The following WDR83 variants were observed in gnomAD, a reference collection of about 807,000 sequenced individuals.
The protein encoded by WDR83 is WD repeat domain-containing protein 83.
Under a neutral mutation model 37.7 loss-of-function variants are expected in WDR83, and 37 were observed. The ratio of observed to expected loss-of-function variants is 0.98; its 90% CI spans 0.76 to 1.29. The LOEUF (loss-of-function observed/expected upper bound fraction) is 1.29, where lower values mean the gene tolerates loss of function less well. Among genes scored for constraint, WDR83 ranks in the 50% most tolerant of loss-of-function variants. The pLI is 0.00. For missense variants in WDR83, 445 were observed against 414.4 expected, an observed-to-expected ratio of 1.07 and a Z score of -0.64; for synonymous variants, 174 against 181.1, an observed-to-expected ratio of 0.96 and a Z score of 0.31.
intron 10 of WDR83, among the ~76,000 whole-genome samples, chr19:12,674,867 G>A (rs1158292605): frequency 6.6e-6 from 1 of 152,150 alleles, no homozygotes; most frequent in East Asian, 1.9e-4. Flanking sequence ...TGTAATCCCA[G>A]CACTTTGGGA....
chr19:12,670,364 T>C, intron 5 of WDR83, 79 bp downstream of exon 5: 2 of 1,541,786 alleles, frequency 1.3e-6, no homozygotes, highest in Non-Finnish European at 1.8e-6. Context: ...GCCACCCCCA[T>C]TACACCGTAA....
chr19:12,669,674 T>C (rs952572198), intron 2 of WDR83, 81 bp from the exon 3 acceptor site: 12 of 1,165,574 alleles, frequency 1.0e-5, no homozygotes, highest in Admixed American at 7.6e-5. Context: ...CCGGAAGTGA[T>C]AAACAGGAAG....
At chr19:12,670,637 G>A (rs2024385502) in intron 6 of WDR83, 26 bp downstream of exon 6, 3 of 1,614,196 alleles carry the variant, frequency 1.9e-6, no homozygotes, top group Non-Finnish European at 2.5e-6. Context: ...AAGCACGGGG[G>A]CCCAGGGTGC....
intron 10 of WDR83, among the ~76,000 whole-genome samples, chr19:12,674,754 GC>G (rs1372889484): frequency 6.6e-6 from 1 of 152,136 alleles, no homozygotes; most frequent in African/African-American, 2.4e-5. Context: ...CAGAAAATCA[GC>G]AGTCTCTGGA....
intron 7 of WDR83, 45 bp downstream of exon 7, chr19:12,670,866 A>C (rs531420564): frequency 6.3e-7 from 1 of 1,589,042 alleles, no homozygotes; most frequent in Non-Finnish European, 8.6e-7. Flanking sequence ...GCTACGGGGA[A>C]TCATAGCTGC....
chr19:12,669,916 CG>C, intron 3 of WDR83, 23 bp downstream of exon 3: 1 of 1,601,156 alleles, frequency 6.2e-7, no homozygotes. Flanking sequence ...GTCTTCATTC[CG>C]GGTCCTCCTC....
Position 12,669,738 on chromosome 19 carries a change from C to A in WDR83, c.-36-17C>A. On this transcript the variant is annotated splice_polypyrimidine_tract_variant and intron_variant, in intron 2 of 10. Coordinates refer to ENST00000418543, the MANE Select transcript of WDR83 (RefSeq NM_001099737.3). ...CACCCAAGCGTGGGTTTCTAAGGCGCGGAATTTTCCGTACAGACCGATTTA... is the reference window on the plus strand; with the variant it reads ...CACCCAAGCGTGGGTTTCTAAGGCGAGGAATTTTCCGTACAGACCGATTTA... The A allele has an allele frequency of 2.0e-6, 3 of 1,522,546 alleles. No homozygotes were observed. Among genetic ancestry groups the A allele is most frequent in the Non-Finnish European group, 2.6e-6 (3 of 1,132,312 alleles). 94.3% of individuals were successfully genotyped at this position (1,522,546 alleles called of 1,614,324 possible).
chr19:12,670,342 G>A, intron 5 of WDR83, 57 bp downstream of exon 5: 2 of 1,579,308 alleles, frequency 1.3e-6, no homozygotes, highest in Non-Finnish European at 1.7e-6. Context: ...TTAGCGCATA[G>A]GTGGTGACAC....
rs777886920 is a variant in WDR83 at position 12,675,698 on chromosome 19, A to ACCAAC, written c.*26_*27insCCAAC. The ACCAAC allele has an allele frequency of 4.3e-4, 693 of 1,597,860 alleles. No homozygotes were observed. Among genetic ancestry groups the ACCAAC allele is most frequent in the Non-Finnish European group, 5.3e-4 (627 of 1,177,652 alleles). ...AGCCAGGGGACCCACCAACAGGACCAAGGACCGAGACACAGACATGGAAGG... is the reference window on the plus strand; with the variant it reads ...AGCCAGGGGACCCACCAACAGGACCACCAACAGGACCGAGACACAGACATGGAAGG... On this transcript the variant is annotated 3_prime_UTR_variant, in exon 11 of 11. Coordinates refer to ENST00000418543, the MANE Select transcript of WDR83 (RefSeq NM_001099737.3).
chr19:12,668,628 G>A lies in WDR83; in HGVS notation c.-37+1G>A, dbSNP rs761604645. The A allele has an allele frequency of 1.2e-6, 2 of 1,612,554 alleles. No homozygotes were observed. The highest frequency in any genetic ancestry group is 1.1e-5 in the South Asian group (1 of 90,970). On this transcript the variant is annotated splice_donor_variant, in intron 2 of 10. Transcript: ENST00000418543. LOFTEE classifies it low-confidence loss of function (5UTR_SPLICE). ...AGCACACCACTTCAGCTAGGGAAAG[G>A]TAAGTGGGTGGGCAGGTTAGTGAAA...
intron 2 of WDR83, among the ~76,000 whole-genome samples, 187 bp downstream of exon 2, chr19:12,668,814 C>T (rs899391482): frequency 5.3e-5 from 8 of 152,242 alleles, no homozygotes; most frequent in East Asian, 3.9e-4. Flanking sequence ...GTCTGGCCTG[C>T]GTCTCTCAGG....
intron 7 of WDR83, 47 bp downstream of exon 7, chr19:12,670,868 C>A: frequency 6.3e-7 from 1 of 1,586,510 alleles, no homozygotes; most frequent in South Asian, 1.1e-5. Flanking sequence ...TACGGGGAAT[C>A]ATAGCTGCCC....
At position 12,670,004 on chromosome 19, in the gene WDR83, G is replaced by A; in HGVS notation, c.131G>A (p.Gly44Asp). The change falls in exon 4 of 11, where the codon GGC becomes GAC. Residue 44 changes from glycine to aspartate, a missense_variant. Coordinates refer to ENST00000418543, the MANE Select transcript of WDR83 (RefSeq NM_001099737.3). ...NVDGNYCLTC[G>D]SDKTLKLWNP... ...GATGGCAATTACTGCCTGACGTGCG[G>A]CAGTGACAAGACGCTGAAGCTGTGG... 3 of 1,612,342 alleles carry A rather than the reference G, an allele frequency of 1.9e-6. No homozygotes were observed. The highest frequency in any genetic ancestry group is 2.5e-6 in the Non-Finnish European group (3 of 1,178,558).
intron 7 of WDR83, 24 bp from the exon 8 acceptor site, chr19:12,672,823 C>T (rs763508919): frequency 2.0e-5 from 31 of 1,562,766 alleles, no homozygotes; most frequent in Middle Eastern, 4.0e-4. Context: ...TCAAGGTTCC[C>T]GCTGGATCTA....
intron 7 of WDR83, among the ~76,000 whole-genome samples, chr19:12,671,829 C>G (rs1184300127): frequency 6.6e-6 from 1 of 152,022 alleles, no homozygotes. Context: ...TCCCTAGTAG[C>G]TGGGACTACA....
At position 12,675,676 on chromosome 19, in the gene WDR83, CA is replaced by C. The variant is rs1163531048; in HGVS notation, c.*5del. On this transcript the variant is annotated 3_prime_UTR_variant, in exon 11 of 11. Transcript: ENST00000418543. ...GGCAGAGGATGGAGCAGGCTGAAGC[CA>C]GGGGACCCACCAACAGGACCAAGGA... The C allele has an allele frequency of 6.3e-7, 1 of 1,599,810 alleles. No homozygotes were observed. The highest frequency in any genetic ancestry group is 1.3e-5 in the African/African-American group (1 of 74,878).
intron 7 of WDR83, chr19:12,672,578 A>C (rs1160981405): frequency 6.2e-6 from 3 of 485,782 alleles, no homozygotes; most frequent in African/African-American, 1.9e-5. Context: ...ATTGCACTCC[A>C]GCCTGAGCAA....
At chr19:12,670,951 C>G in intron 7 of WDR83, 130 bp downstream of exon 7, 1 of 1,403,016 alleles carries the variant, frequency 7.1e-7, no homozygotes, top group Non-Finnish European at 9.6e-7. Flanking sequence ...ACTTGGGAGG[C>G]TGAAGTGGAA....
At position 12,675,580 on chromosome 19, in the gene WDR83, C is replaced by T; in HGVS notation, c.856C>T (p.His286Tyr). The change falls in exon 11 of 11, where the codon CAC becomes TAC. Residue 286 changes from histidine to tyrosine, a missense_variant. Physicochemically the swap from His to Tyr is moderately conservative, Grantham distance 83. Coordinates refer to ENST00000418543, the MANE Select transcript of WDR83 (RefSeq NM_001099737.3). ...CGGTGTGGTGCAGTCGCTGGCCTAC[C>T]ACCCAACAGAGCCCTGCCTGCTGAC... is the stretch of plus-strand genomic sequence containing the variant. ...GSGVVQSLAY[H>Y]PTEPCLLTAM... The T allele has an allele frequency of 3.1e-6, 5 of 1,606,078 alleles. No individual in the cohort carries two copies. Among genetic ancestry groups the T allele is most frequent in the Non-Finnish European group, 3.4e-6 (4 of 1,179,990 alleles).
Sources: allele counts gnomAD v4.1 joint callset (sites outside exome capture counted in the v4.1 genomes callset), GRCh38; gene constraint gnomAD v4.1.1; transcripts MANE v1.5; gene names NCBI Gene and HGNC (gene_info 2026-07-23, HGNC 2026-07-21).